Variants in EXOC7 observed in about 807,000 individuals in gnomAD.
EXOC7 encodes the protein exocyst complex component Exo70.
A neutral mutation model predicts 87.6 loss-of-function variants in EXOC7; 51 were observed. The ratio of observed to expected loss-of-function variants is 0.58; its 90% confidence interval spans 0.46 to 0.73. The LOEUF is 0.73. Ranked by LOEUF, EXOC7 falls within the 30% of genes least tolerant of loss-of-function variation. The probability of loss-of-function intolerance (pLI) is 0.00; values close to 1 mark genes in which losing one functional copy is unlikely to be tolerated. For missense variants in EXOC7, 744 were observed against 888.4 expected, an observed-to-expected ratio of 0.84 and a Z score of 2.07; for synonymous variants, 327 against 357.1, an observed-to-expected ratio of 0.92 and a Z score of 0.95.
At position 76,088,033 on chromosome 17, in the gene EXOC7, T is replaced by C. The variant is rs201859303; in HGVS notation, c.1362+27A>G. 31 of 1,613,416 alleles carry C rather than the reference T, an allele frequency of 1.9e-5. No homozygotes were observed. The African/African-American group carries it at 4.0e-4, about 21-fold the overall frequency. The stretch of plus-strand genomic sequence containing the variant: ...GGCCTGGGCCCTCCTTCCTCCCCTC[T>C]CCCTGGTGTCCTCAGGCAGCACCCA... On this transcript the variant is annotated intron_variant, in intron 11 of 18. Coordinates refer to ENST00000589210, the MANE Select transcript of EXOC7 (RefSeq NM_001013839.4).
chr17:76,091,980 C>G (rs1033064184), intron 6 of EXOC7, among the ~76,000 whole-genome samples: 2 of 152,206 alleles, frequency 1.3e-5, no homozygotes, highest in African/African-American at 4.8e-5. Context: ...CAAGTGAAAA[C>G]AATGAGAACA....
rs1430325823 is a variant in EXOC7, at chr17:76,094,644, C to T, written c.641-63G>A. 5 of 1,518,174 alleles carry T rather than the reference C, an allele frequency of 3.3e-6. No homozygotes were observed. In the Admixed American group the frequency reaches 9.2e-5, roughly 28 times the overall value. The allele number at this position is 1,518,174 out of a possible 1,614,324, so 94.0% of individuals were successfully genotyped here. A position where few individuals can be genotyped will look rare whatever the true frequency, so the allele number is the denominator to read the frequency against. ...GCCCTGTCTCTGCCTTGCAGACCCACCATGTCTACCTGTCAAACCTGTCAA... is the reference window on the plus strand; with the variant it reads ...GCCCTGTCTCTGCCTTGCAGACCCATCATGTCTACCTGTCAAACCTGTCAA... On this transcript the variant is annotated intron_variant, in intron 5 of 18. Coordinates refer to ENST00000589210, the MANE Select transcript of EXOC7 (RefSeq NM_001013839.4).
chr17:76,084,708 G>A, intron 15 of EXOC7, 128 bp from the exon 16 acceptor site: 1 of 710,052 alleles, frequency 1.4e-6, no homozygotes, highest in East Asian at 2.7e-5. Context: ...TCACAACTAA[G>A]CAAACAACAG....
rs1326625567 is a variant in EXOC7 at position 76,101,665 on chromosome 17, C to T, written c.311+14G>A. 1 of 1,605,016 alleles carries T rather than the reference C, an allele frequency of 6.2e-7. No homozygotes were observed. Among genetic ancestry groups the T allele is most frequent in the Non-Finnish European group, 8.5e-7 (1 of 1,174,642 alleles). On this transcript the variant is annotated intron_variant, in intron 3 of 18. Transcript: ENST00000589210. ...AGGCATTAGGAATTGACCCTCTGGG[C>T]CTCACTCACTCACCCCTCTCTGATG...
chr17:76,087,616 C>T (rs1030407766), intron 12 of EXOC7, 38 bp downstream of exon 12: 84 of 1,542,674 alleles, frequency 5.4e-5, no homozygotes, highest in Middle Eastern at 5.0e-4. Flanking sequence ...GGCAAGGAGG[C>T]GAGTGGGGCA....
intron 7 of EXOC7, 100 bp downstream of exon 7, chr17:76,091,043 G>C: frequency 9.7e-7 from 1 of 1,030,034 alleles, no homozygotes; most frequent in South Asian, 1.3e-5. Flanking sequence ...GCTCCCCTCA[G>C]GGTTTCTCCC....
In EXOC7 at chr17:76,082,387, C is replaced by G; in HGVS notation, c.*1261G>C. ...GAAAGGAAGCGATACAGGCTGATGA[C>G]CCCTGGGGTTCGCTCTTCCGCTCAT... is the stretch of plus-strand genomic sequence containing the variant. On this transcript the variant is annotated 3_prime_UTR_variant, in exon 19 of 19. Transcript: ENST00000589210. 7.0e-7 allele frequency: 1 copy of G among 1,423,378 alleles called. No individual in the cohort carries two copies. The highest frequency in any genetic ancestry group is 9.5e-7 in the Non-Finnish European group (1 of 1,048,440). The allele number at this position is 1,423,378 out of a possible 1,614,324, so 88.2% of individuals were successfully genotyped here. A position where few individuals can be genotyped will look rare whatever the true frequency, so the allele number is the denominator to read the frequency against.
intron 13 of EXOC7, 49 bp from the exon 14 acceptor site, chr17:76,085,846 A>G (rs748661401): frequency 3.8e-6 from 6 of 1,594,264 alleles, no homozygotes; most frequent in South Asian, 1.1e-5. Context: ...TCTGACCCAA[A>G]CGACCCCACC....
rs919347518 is a variant in EXOC7 at position 76,081,484 on chromosome 17, A to T, written c.*2164T>A. On this transcript the variant is annotated 3_prime_UTR_variant, in exon 19 of 19. Transcript: ENST00000589210. ...GATGCACGGCCAGAGGCCAGGCCCC[A>T]TGCCCCCGATGCCCACCTCCTTCCC... The T allele has an allele frequency of 1.3e-5, 21 of 1,609,576 alleles. No homozygotes were observed. The highest frequency in any genetic ancestry group is 1.8e-5 in the Non-Finnish European group (21 of 1,178,228).
chr17:76,097,646 A>G (rs986286959), intron 5 of EXOC7, 150 bp downstream of exon 5: 1 of 571,214 alleles, frequency 1.8e-6, no homozygotes, highest in African/African-American at 2.1e-5. Flanking sequence ...CAGAGGCTGC[A>G]GCAAGCCGAG....
rs1040582463 is a variant in EXOC7 at position 76,081,134 on chromosome 17, C to T, written c.*2514G>A. 1 of 1,186,402 alleles carries T rather than the reference C, an allele frequency of 8.4e-7. No homozygotes were observed. Among genetic ancestry groups the T allele is most frequent in the East Asian group, 2.4e-5 (1 of 41,990 alleles). The allele number at this position is 1,186,402 out of a possible 1,614,324, so 73.5% of individuals were successfully genotyped here. On this transcript the variant is annotated 3_prime_UTR_variant, in exon 19 of 19. Coordinates refer to ENST00000589210, the MANE Select transcript of EXOC7 (RefSeq NM_001013839.4). Reference sequence around the variant, plus strand: ...GCAAAACAAGGTTTGGGAAGCCCTTCTATGGATCGGTTTTGTGTCCAAGTC... The same window carrying T: ...GCAAAACAAGGTTTGGGAAGCCCTTTTATGGATCGGTTTTGTGTCCAAGTC...
At chr17:76,084,785 G>C (rs1000682674) in intron 15 of EXOC7, 2 of 595,726 alleles carry the variant, frequency 3.4e-6, no homozygotes, top group Middle Eastern at 4.4e-4. Flanking sequence ...GGAAACACTT[G>C]AGTGTTCAAT....
intron 2 of EXOC7, among the ~76,000 whole-genome samples, chr17:76,102,417 G>GACACACACACACAC (rs3073225): frequency 5.6e-5 from 8 of 144,014 alleles, no homozygotes; most frequent in East Asian, 2.1e-4. Context: ...TACACACACA[G>GACACACACACACAC]ACACACACAC....
At chr17:76,085,853 C>T in intron 13 of EXOC7, 56 bp from the exon 14 acceptor site, 1 of 1,588,736 alleles carries the variant, frequency 6.3e-7, no homozygotes, top group Non-Finnish European at 8.6e-7. Flanking sequence ...CAAACGACCC[C>T]ACCCCAGGAC....
At position 76,091,126 on chromosome 17, in the gene EXOC7, G is replaced by A. The variant is rs1377720506; in HGVS notation, c.901+17C>T. The A allele has an allele frequency of 6.2e-7, 1 of 1,604,600 alleles. No individual in the cohort carries two copies. Among genetic ancestry groups the A allele is most frequent in the Non-Finnish European group, 8.5e-7 (1 of 1,171,384 alleles). ...AGTGGAGGAGGAAGGGACAGGAGGG[G>A]AACACAGGGTGATTACCTTCCAGAG... On this transcript the variant is annotated intron_variant, in intron 7 of 18. Coordinates refer to ENST00000589210, the MANE Select transcript of EXOC7 (RefSeq NM_001013839.4).
At chr17:76,084,478 C>G in intron 16 of EXOC7, 39 bp downstream of exon 16, 1 of 1,607,512 alleles carries the variant, frequency 6.2e-7, no homozygotes, top group Non-Finnish European at 8.5e-7. Context: ...AGTATCCCGT[C>G]TGCCAGACAC....
intron 7 of EXOC7, chr17:76,090,911 G>T: frequency 1.7e-6 from 1 of 583,534 alleles, no homozygotes; most frequent in Non-Finnish European, 3.1e-6. Flanking sequence ...AGGGAAGGGA[G>T]GAGGGAAGCC....
intron 7 of EXOC7, 158 bp downstream of exon 7, chr17:76,090,985 G>C (rs1229970549): frequency 1.4e-6 from 1 of 695,236 alleles, no homozygotes; most frequent in Admixed American, 2.2e-5. Context: ...AACTGTCCCT[G>C]TGCCCGCTGA....
Position 76,097,654 on chromosome 17 carries a change from G to A in EXOC7, c.640+142C>T, listed in dbSNP as rs2067829403. 11 of 586,446 alleles carry A rather than the reference G, an allele frequency of 1.9e-5. No homozygotes were observed. The South Asian group carries it at 2.0e-4, about 11-fold the overall frequency. The allele number at this position is 586,446 out of a possible 1,614,324, so 36.3% of individuals were successfully genotyped here. ...GGGTATGCAGAGGCTGCAGCAAGCC[G>A]AGTTGCACCATTGCACTCCAGCATG... is the stretch of plus-strand genomic sequence containing the variant. On this transcript the variant is annotated intron_variant, in intron 5 of 18. Transcript: ENST00000589210.
Sources: gnomAD v4.1 joint callset for allele counts (sites outside exome capture counted in the v4.1 genomes callset) on GRCh38, gnomAD v4.1.1 for gene constraint, MANE v1.5 for transcripts, NCBI Gene and HGNC (gene_info 2026-07-23, HGNC 2026-07-21) for gene names.